Variants in MAML2 observed in about 807,000 individuals in gnomAD.
The protein encoded by MAML2 is mastermind-like protein 2.
In MAML2, 22 loss-of-function variants were observed where a neutral mutation model predicts 96.1. The ratio of observed to expected loss-of-function variants is 0.23; its 90% confidence interval spans 0.16 to 0.33. The LOEUF (loss-of-function observed/expected upper bound fraction) is 0.33. Ranked by LOEUF, MAML2 falls within the 10% of genes least tolerant of loss-of-function variation. The pLI, the probability that MAML2 is intolerant of heterozygous loss-of-function variation, is 1.00. For synonymous variants in MAML2, 561 were observed against 521.3 expected (o/e 1.08, Z -1.04); for missense variants, 1,367 against 1,392.4 (o/e 0.98, Z 0.29).
chr11:96,070,670 C>T (rs376257918), intron 2 of MAML2, among the ~76,000 whole-genome samples: 4 of 152,256 alleles, frequency 2.6e-5, no homozygotes, highest in East Asian at 3.9e-4. Flanking sequence ...CTGCTCCATG[C>T]GACTTGCCCT....
chr11:96,121,105 G>A (rs1164500623), intron 1 of MAML2, among the ~76,000 whole-genome samples: 1 of 151,864 alleles, frequency 6.6e-6, no homozygotes, highest in Non-Finnish European at 1.5e-5. Flanking sequence ...AGGATACTTT[G>A]GATGCTATTC....
chr11:96,245,959 T>C (rs1217392348), intron 1 of MAML2, among the ~76,000 whole-genome samples: 1 of 152,088 alleles, frequency 6.6e-6, no homozygotes, highest in African/African-American at 2.4e-5. Context: ...CCCCTCGACC[T>C]CCCAAAGTGC....
In MAML2 at chr11:96,321,477, C is replaced by T. The variant is rs1240768923; in HGVS notation, c.513+19906G>A. Among the ~76,000 whole-genome samples the T allele has an allele frequency of 5.9e-5, 9 of 152,242 alleles. No individual in the cohort carries two copies. The East Asian group carries it at 7.7e-4, about 13-fold the overall frequency. On this transcript the variant is annotated intron_variant, in intron 1 of 4. Transcript: ENST00000524717. ...GAGACAAAAGAAATAGACATATTTG[C>T]GATATTCCTTCCTTTATCATATTTC...
chr11:96,287,474 C>T (rs1863155892), intron 1 of MAML2, among the ~76,000 whole-genome samples: 1 of 152,168 alleles, frequency 6.6e-6, no homozygotes, highest in African/African-American at 2.4e-5. Flanking sequence ...TGGCCAGTGT[C>T]TTGCCAATGG....
rs146496943 is a variant in MAML2, at chr11:96,128,120, G to A, written c.514-34603C>T. Among the ~76,000 whole-genome samples, 567 of 152,270 alleles carry A rather than the reference G, an allele frequency of 3.7e-3. 3 individuals are homozygous for A. The highest frequency in any genetic ancestry group is 0.018 in the South Asian group (89 of 4,818). On this transcript the variant is annotated intron_variant, in intron 1 of 4. Transcript: ENST00000524717. Reference sequence around the variant, plus strand: ...ATCAATACTCCTAATCCAGCCGTGTGCAGTGGCTCACGTCTGTAATCCCAG... The same window carrying A: ...ATCAATACTCCTAATCCAGCCGTGTACAGTGGCTCACGTCTGTAATCCCAG...
At chr11:96,069,504 T>A (rs1859305891) in intron 2 of MAML2, among the ~76,000 whole-genome samples, 1 of 151,614 alleles carries the variant, frequency 6.6e-6, no homozygotes, top group Non-Finnish European at 1.5e-5. Flanking sequence ...TAAAACCCCA[T>A]CTCTACAAAA....
chr11:96,220,001 A>T (rs1324161021), intron 1 of MAML2, among the ~76,000 whole-genome samples: 1 of 152,202 alleles, frequency 6.6e-6, no homozygotes, highest in Non-Finnish European at 1.5e-5. Context: ...ATGCATGTAT[A>T]GTGTTAACTC....
intron 1 of MAML2, among the ~76,000 whole-genome samples, chr11:96,236,937 G>C (rs1862374465): frequency 6.6e-6 from 1 of 152,106 alleles, no homozygotes; most frequent in Non-Finnish European, 1.5e-5. Context: ...TATCATTTCT[G>C]CTAGATCATC....
At chr11:96,053,578 A>G (rs1420338296) in intron 2 of MAML2, among the ~76,000 whole-genome samples, 1 of 151,780 alleles carries the variant, frequency 6.6e-6, no homozygotes. Context: ...AACTCAGCCA[A>G]TTTGGAGGGG....
intron 1 of MAML2, among the ~76,000 whole-genome samples, chr11:96,249,289 C>G (rs1376735562): frequency 6.6e-6 from 1 of 152,158 alleles, no homozygotes; most frequent in East Asian, 1.9e-4. Flanking sequence ...GGAGTGTTAG[C>G]ACTCTGTTCA....
At chr11:96,085,543 C>T (rs1407900256) in intron 2 of MAML2, among the ~76,000 whole-genome samples, 2 of 152,194 alleles carry the variant, frequency 1.3e-5, no homozygotes, top group Admixed American at 1.3e-4. Flanking sequence ...TACATTAATG[C>T]ACATTACAGT....
intron 1 of MAML2, among the ~76,000 whole-genome samples, chr11:96,134,290 C>T (rs1860592437): frequency 6.6e-6 from 1 of 152,242 alleles, no homozygotes; most frequent in African/African-American, 2.4e-5. Flanking sequence ...GTGTTACTCA[C>T]CACTACTAAA....
At chr11:96,220,263 A>G (rs1044884220) in intron 1 of MAML2, among the ~76,000 whole-genome samples, 6 of 152,090 alleles carry the variant, frequency 3.9e-5, no homozygotes, top group Non-Finnish European at 5.9e-5. Context: ...TACAGATTTC[A>G]TTCTCTTATT....
chr11:96,028,939 C>A (rs1858567755), intron 2 of MAML2, among the ~76,000 whole-genome samples: 1 of 152,132 alleles, frequency 6.6e-6, no homozygotes, highest in African/African-American at 2.4e-5. Context: ...ATGTCATTCA[C>A]CACATTCAGG....
intron 2 of MAML2, among the ~76,000 whole-genome samples, chr11:96,025,321 T>A (rs529016237): frequency 9.8e-5 from 15 of 152,292 alleles, no homozygotes; most frequent in Middle Eastern, 3.4e-3. Flanking sequence ...TAGTGTATGT[T>A]CTCACTTATG....
At chr11:96,157,044 G>A (rs764930821) in intron 1 of MAML2, among the ~76,000 whole-genome samples, 12 of 152,232 alleles carry the variant, frequency 7.9e-5, no homozygotes, top group Non-Finnish European at 1.3e-4. Flanking sequence ...TTCCCTGGCA[G>A]TGCTGAGATG....
intron 1 of MAML2, among the ~76,000 whole-genome samples, chr11:96,301,179 A>G (rs1863381849): frequency 6.6e-6 from 1 of 152,236 alleles, no homozygotes; most frequent in African/African-American, 2.4e-5. Context: ...AATTATACAT[A>G]TACACATACA....
chr11:96,070,244 G>C (rs1436769185), intron 2 of MAML2, among the ~76,000 whole-genome samples: 2 of 151,516 alleles, frequency 1.3e-5, no homozygotes, highest in Non-Finnish European at 2.9e-5. Flanking sequence ...GAGCTGAGAT[G>C]GCGCCACTGC....
In MAML2 at chr11:96,341,387, A is replaced by G; in HGVS notation, c.509T>C (p.Ile170Thr). ...ATGAGAAAGCCAGGTGCTTACCGCAATCAGGGCTGAGTTCCTCTGGTCCCC... is the reference window on the plus strand; with the variant it reads ...ATGAGAAAGCCAGGTGCTTACCGCAGTCAGGGCTGAGTTCCTCTGGTCCCC... ...TPGDQRNSALIALQGSLKRKQ... is the reference protein window; with the variant it reads ...TPGDQRNSALTALQGSLKRKQ... Residue 170 changes from isoleucine (I) to threonine (T), a missense_variant, in exon 1 of 5, where the codon ATT becomes ACT. Coordinates refer to ENST00000524717, the MANE Select transcript of MAML2 (RefSeq NM_032427.4). 2.0e-6 allele frequency: 3 copies of G among 1,519,600 alleles called. No homozygotes were observed. The highest frequency in any genetic ancestry group is 1.4e-5 in the African/African-American group (1 of 72,648). 94.1% of individuals were successfully genotyped at this position (1,519,600 alleles called of 1,614,324 possible).
Sources: gnomAD v4.1 joint callset for allele counts (sites outside exome capture counted in the v4.1 genomes callset) on GRCh38, gnomAD v4.1.1 for gene constraint, MANE v1.5 for transcripts, NCBI Gene and HGNC (gene_info 2026-07-23, HGNC 2026-07-21) for gene names.